Variants in SIGLEC15 observed in about 807,000 individuals in gnomAD.
SIGLEC15 encodes sialic acid binding Ig like lectin 15.
In SIGLEC15, 31 loss-of-function variants were observed where a neutral mutation model predicts 26.2. The ratio of observed to expected loss-of-function variants is 1.18; its 90% CI spans 0.89 to 1.60. The LOEUF (loss-of-function observed/expected upper bound fraction) is 1.60, where lower values mean the gene tolerates loss of function less well. Ranked by LOEUF, SIGLEC15 falls within the 40% of genes most tolerant of loss-of-function variation. The pLI, the probability that SIGLEC15 is intolerant of heterozygous loss-of-function variation, is 0.00. For missense variants in SIGLEC15, 501 were observed against 488.4 expected (o/e 1.03, Z -0.24); for synonymous variants, 207 against 221.9 (o/e 0.93, Z 0.60).
chr18:45,839,540 AGAC>A (rs2145075767), intron 4 of SIGLEC15, among the ~76,000 whole-genome samples: 1 of 152,276 alleles, frequency 6.6e-6, no homozygotes, highest in South Asian at 2.1e-4. Flanking sequence ...GCTGAGCGGT[AGAC>A]AGATCATTGC....
Position 45,837,532 on chromosome 18 carries a change from G to C in SIGLEC15, c.132G>C (p.Trp44Cys). ...CCTCAGGCTCGCCAGCGCAGCGCTG[G>C]TCCATGCAGGTGCCACCCGAGGTGA... ...TEVHSSPAQR[W>C]SMQVPPEVSA... The change falls in exon 3 of 6, where the codon TGG becomes TGC. Residue 44 changes from tryptophan (W) to cysteine (C), a missense_variant. By Grantham distance (215) the Trp-to-Cys change is radical (BLOSUM62 -2). Transcript: ENST00000389474. The C allele has an allele frequency of 8.6e-6, 13 of 1,517,530 alleles. No homozygotes were observed. The highest frequency in any genetic ancestry group is 1.1e-5 in the Non-Finnish European group (13 of 1,140,118). The allele number at this position is 1,517,530 out of a possible 1,614,324, so 94.0% of individuals were successfully genotyped here.
intron 3 of SIGLEC15, 147 bp downstream of exon 3, chr18:45,838,043 C>A (rs2048291249): frequency 9.0e-7 from 1 of 1,105,856 alleles, no homozygotes; most frequent in Non-Finnish European, 1.2e-6. Context: ...GATCTCACAC[C>A]TGGGGGTAGT....
chr18:45,833,719 A>ATTG (rs1239856141), intron 1 of SIGLEC15, among the ~76,000 whole-genome samples: 1 of 152,214 alleles, frequency 6.6e-6, no homozygotes, highest in Non-Finnish European at 1.5e-5. Flanking sequence ...TGCTGTCATT[A>ATTG]TTGTTGCTGT....
intron 5 of SIGLEC15, among the ~76,000 whole-genome samples, chr18:45,840,526 C>T (rs1470411737): frequency 6.6e-6 from 1 of 152,190 alleles, no homozygotes; most frequent in African/African-American, 2.4e-5. Context: ...CAGATTCATA[C>T]AAAAACCACA....
At chr18:45,831,492 T>C (rs779289095) in intron 1 of SIGLEC15, among the ~76,000 whole-genome samples, 11 of 152,120 alleles carry the variant, frequency 7.2e-5, no homozygotes, top group Admixed American at 5.9e-4. Context: ...AAAAAACAAA[T>C]AGTGGCTGAG....
At chr18:45,832,445 G>T (rs1339970186) in intron 1 of SIGLEC15, among the ~76,000 whole-genome samples, 3 of 150,346 alleles carry the variant, frequency 2.0e-5, no homozygotes, top group Admixed American at 6.6e-5. Flanking sequence ...TATATAACTT[G>T]CCCAAAGATC....
intron 5 of SIGLEC15, 68 bp downstream of exon 5, chr18:45,840,309 A>T: frequency 6.6e-7 from 1 of 1,515,022 alleles, no homozygotes; most frequent in Non-Finnish European, 9.0e-7. Context: ...CAGGGGGTCC[A>T]GGCAGGAGAA....
At chr18:45,830,167 CT>C (rs1164684209) in intron 1 of SIGLEC15, among the ~76,000 whole-genome samples, 1 of 152,244 alleles carries the variant, frequency 6.6e-6, no homozygotes, top group Non-Finnish European at 1.5e-5. Flanking sequence ...TCCTGCTTTG[CT>C]TTTTTCCTTA....
intron 1 of SIGLEC15, among the ~76,000 whole-genome samples, chr18:45,827,133 C>T (rs1008202159): frequency 6.6e-6 from 1 of 152,204 alleles, no homozygotes; most frequent in Non-Finnish European, 1.5e-5. Flanking sequence ...CCAGCCTGGT[C>T]TCGAACTCCT....
intron 1 of SIGLEC15, among the ~76,000 whole-genome samples, chr18:45,834,609 T>C (rs2048261653): frequency 6.6e-6 from 1 of 152,200 alleles, no homozygotes; most frequent in Non-Finnish European, 1.5e-5. Context: ...TCTGGCAGAC[T>C]GTAGTGTAAT....
At chr18:45,837,992 C>A in intron 3 of SIGLEC15, 96 bp downstream of exon 3, 1 of 1,362,580 alleles carries the variant, frequency 7.3e-7, no homozygotes, top group Non-Finnish European at 9.4e-7. Context: ...TGTGCTGAGC[C>A]AGGAAGGGCA....
chr18:45,841,717 AGTGG>A (rs1599400137), intron 5 of SIGLEC15, among the ~76,000 whole-genome samples: 1 of 152,072 alleles, frequency 6.6e-6, no homozygotes, highest in East Asian at 1.9e-4. Context: ...AGGAGAAGAG[AGTGG>A]GGCGGGTGTG....
rs1184416300 is a variant in SIGLEC15 at position 45,839,098 on chromosome 18, G to C, written c.874+3G>C. ...CCGCGCTGCCCGCCGCCGCCCAGGT[G>C]GGTGCGCCCCAGACACGGGTGGCCG... On this transcript the variant is annotated splice_donor_region_variant and intron_variant, in intron 4 of 5. Coordinates refer to ENST00000389474, the MANE Select transcript of SIGLEC15 (RefSeq NM_213602.3). The C allele has an allele frequency of 7.1e-7, 1 of 1,398,714 alleles. No individual in the cohort carries two copies. The highest frequency in any genetic ancestry group is 3.6e-5 in the Admixed American group (1 of 27,468). 86.6% of individuals were successfully genotyped at this position (1,398,714 alleles called of 1,614,324 possible). A position where few individuals can be genotyped will look rare whatever the true frequency, so the allele number is the denominator to read the frequency against.
intron 1 of SIGLEC15, among the ~76,000 whole-genome samples, chr18:45,829,589 C>T (rs1319234198): frequency 6.6e-6 from 1 of 152,168 alleles, no homozygotes; most frequent in Admixed American, 6.5e-5. Context: ...TCTCCTGGCC[C>T]TCCAGGTGTC....
rs2048337427 is a variant in SIGLEC15 at position 45,842,912 on chromosome 18, G to C, written c.*725G>C. 6.6e-6 allele frequency: 1 copy of C among 152,502 alleles called. No homozygotes were observed. The highest frequency in any genetic ancestry group is 6.5e-5 in the Admixed American group (1 of 15,292). The allele number at this position is 152,502 out of a possible 1,614,324, so 9.4% of individuals were successfully genotyped here. A position where few individuals can be genotyped will look rare whatever the true frequency, so the allele number is the denominator to read the frequency against. On this transcript the variant is annotated 3_prime_UTR_variant, in exon 6 of 6. Coordinates refer to ENST00000389474, the MANE Select transcript of SIGLEC15 (RefSeq NM_213602.3). ...GGGGCTGTGCAAACGTGTGGTCAGA[G>C]GAACATCAAATCCTGGAAACTTGGT...
chr18:45,827,405 C>T (rs559333529), intron 1 of SIGLEC15, among the ~76,000 whole-genome samples: 2 of 152,172 alleles, frequency 1.3e-5, no homozygotes, highest in Non-Finnish European at 2.9e-5. Flanking sequence ...AGGGAAGGAG[C>T]TATCTTTTCC....
chr18:45,829,117 G>A (rs2048211292), intron 1 of SIGLEC15: 1 of 985,684 alleles, frequency 1.0e-6, no homozygotes, highest in Non-Finnish European at 1.2e-6. Flanking sequence ...CTGAAGAGCA[G>A]CACTCTGGGG....
intron 1 of SIGLEC15, among the ~76,000 whole-genome samples, chr18:45,833,625 T>C (rs1454384046): frequency 1.3e-5 from 2 of 152,204 alleles, no homozygotes; most frequent in Non-Finnish European, 2.9e-5. Context: ...TTGTGCATTT[T>C]AAATGAGATG....
At position 45,837,854 on chromosome 18, in the gene SIGLEC15, G is replaced by A; in HGVS notation, c.454G>A (p.Asp152Asn). 1.9e-6 allele frequency: 3 copies of A among 1,539,014 alleles called. No individual in the cohort carries two copies. Among genetic ancestry groups the A allele is most frequent in the Non-Finnish European group, 2.6e-6 (3 of 1,153,448 alleles). ...CRVEFAGDVH[D>N]RYESRHGVRL... ...CGTCGAGTTCGCCGGCGACGTCCAT[G>A]ACCGCTACGAGAGCCGCCACGGCGT... Residue 152 changes from aspartate (D) to asparagine (N), a missense_variant, in exon 3 of 6, where the codon GAC becomes AAC. Transcript: ENST00000389474.
Sources: gnomAD v4.1 joint callset for allele counts (sites outside exome capture counted in the v4.1 genomes callset) on GRCh38, gnomAD v4.1.1 for gene constraint, MANE v1.5 for transcripts, NCBI Gene and HGNC (gene_info 2026-07-23, HGNC 2026-07-21) for gene names.